LRRC37A2: variants seen among roughly 807,000 people sequenced by gnomAD.
LRRC37A2 encodes leucine-rich repeat-containing protein 37A2.
In LRRC37A2, 9 loss-of-function variants were observed where a neutral mutation model predicts 68.8. That is an observed-to-expected ratio of 0.13 (90% CI 0.08 to 0.23). The LOEUF (loss-of-function observed/expected upper bound fraction) is 0.23, where lower values mean the gene tolerates loss of function less well. LRRC37A2 is among the 10% of genes least tolerant of loss of function. LRRC37A2 has a pLI of 1.00. For missense variants in LRRC37A2, 168 were observed against 950.4 expected, an observed-to-expected ratio of 0.18 and a Z score of 10.82; for synonymous variants, 63 against 367.6, an observed-to-expected ratio of 0.17 and a Z score of 9.48.
At chr17:46,969,584 G>C in the LRRC37A2 span, among the ~76,000 whole-genome samples, 1 of 152,236 alleles carries the variant, frequency 6.6e-6, no homozygotes, top group African/African-American at 2.4e-5. Flanking sequence ...ACCAGCCTCT[G>C]TCCTGATGGC....
the LRRC37A2 span, among the ~76,000 whole-genome samples, chr17:46,869,719 C>A: frequency 6.6e-6 from 1 of 152,206 alleles, no homozygotes; most frequent in Non-Finnish European, 1.5e-5. Flanking sequence ...ACAGCTTGGG[C>A]AGGGTGCAGT....
At chr17:46,970,242 A>G in the LRRC37A2 span, among the ~76,000 whole-genome samples, 1 of 152,172 alleles carries the variant, frequency 6.6e-6, no homozygotes, top group African/African-American at 2.4e-5. Context: ...TGCTTCCTGC[A>G]AAAAGATCTC....
At chr17:47,018,447 C>T in the LRRC37A2 span, 5 of 1,552,430 alleles carry the variant, frequency 3.2e-6, no homozygotes, top group Non-Finnish European at 4.4e-6. Context: ...AGACGTGCAG[C>T]TCACCATAGC....
the LRRC37A2 span, chr17:47,018,146 T>A: frequency 1.3e-6 from 2 of 1,581,054 alleles, no homozygotes; most frequent in Middle Eastern, 1.7e-4. Context: ...AGACAGAATC[T>A]TCCCAAACCC....
chr17:46,768,841 C>T, the LRRC37A2 span: 1 of 1,600,200 alleles, frequency 6.2e-7, no homozygotes, highest in South Asian at 1.1e-5. This position sits in a 1 kb window ranked among gnomAD's most constrained non-coding sequence, Gnocchi z 5.0. Context: ...ACCGACCCCA[C>T]GAGGGGGCAC....
chr17:46,802,061 C>T, the LRRC37A2 span, among the ~76,000 whole-genome samples: 10 of 152,184 alleles, frequency 6.6e-5, no homozygotes, highest in Non-Finnish European at 1.5e-4. Flanking sequence ...CTCGCCTGTA[C>T]GCATGTTTGT....
the LRRC37A2 span, chr17:46,949,147 C>T: frequency 6.6e-6 from 1 of 152,204 alleles, no homozygotes; most frequent in East Asian, 1.9e-4. Flanking sequence ...TGTCTCTGCT[C>T]AGCGATGTCT....
chr17:46,824,065 C>G, the LRRC37A2 span, among the ~76,000 whole-genome samples: 2 of 152,134 alleles, frequency 1.3e-5, no homozygotes, highest in African/African-American at 4.8e-5. Flanking sequence ...CAGGAGCCTT[C>G]TCCAGAAGGA....
At chr17:46,938,945 A>G in the LRRC37A2 span, 2 of 1,488,612 alleles carry the variant, frequency 1.3e-6, no homozygotes, top group South Asian at 1.2e-5. Flanking sequence ...TTGGAGGGGG[A>G]GCTAGTGCCA....
the LRRC37A2 span, among the ~76,000 whole-genome samples, chr17:46,749,381 C>T: frequency 3.9e-5 from 6 of 152,182 alleles, no homozygotes; most frequent in African/African-American, 1.4e-4. Context: ...GTACTAAAGC[C>T]TTGTAAAGCC....
chr17:46,830,649 A>G, the LRRC37A2 span: 116 of 398,626 alleles, frequency 2.9e-4, no homozygotes, highest in Middle Eastern at 1.9e-3. Context: ...AAAATCTGAA[A>G]TGAAAATCTG....
At chr17:46,935,286 A>G in the LRRC37A2 span, 3 of 1,584,810 alleles carry the variant, frequency 1.9e-6, no homozygotes, top group Non-Finnish European at 2.6e-6. Context: ...TTTGATGACA[A>G]GACAGAGCCC....
chr17:46,859,916 A>G, the LRRC37A2 span, among the ~76,000 whole-genome samples: 1 of 152,214 alleles, frequency 6.6e-6, no homozygotes, highest in Non-Finnish European at 1.5e-5. Flanking sequence ...TTAAAAAAAG[A>G]AATTCTTCCA....
At chr17:46,755,865 C>A in the LRRC37A2 span, 2 of 1,598,588 alleles carry the variant, frequency 1.3e-6, no homozygotes, top group South Asian at 1.1e-5. Flanking sequence ...GGGAAGTGAC[C>A]AAGGTGAAGA....
At chr17:46,849,513 G>A in the LRRC37A2 span, among the ~76,000 whole-genome samples, 1 of 152,256 alleles carries the variant, frequency 6.6e-6, no homozygotes, top group Non-Finnish European at 1.5e-5. Flanking sequence ...CCTTCTCTCT[G>A]ACTCACACTG....
chr17:46,724,784 A>G, the LRRC37A2 span, among the ~76,000 whole-genome samples: 1 of 152,140 alleles, frequency 6.6e-6, no homozygotes, highest in East Asian at 1.9e-4. Context: ...GAGTGAGTGA[A>G]TGAATAAGGC....
the LRRC37A2 span, chr17:47,017,200 C>T: frequency 1.2e-6 from 2 of 1,611,784 alleles, no homozygotes; most frequent in Non-Finnish European, 1.7e-6. Flanking sequence ...AGAATGACTT[C>T]CGCTCAGTGC....
the LRRC37A2 span, among the ~76,000 whole-genome samples, chr17:46,738,007 C>T: frequency 6.6e-6 from 1 of 151,794 alleles, no homozygotes; most frequent in Non-Finnish European, 1.5e-5. Flanking sequence ...CAGTCTCAAT[C>T]ACTGCAGCCT....
the LRRC37A2 span, among the ~76,000 whole-genome samples, chr17:46,860,899 C>G: frequency 6.6e-6 from 1 of 152,160 alleles, no homozygotes; most frequent in Non-Finnish European, 1.5e-5. Flanking sequence ...TGCTCTGTCA[C>G]CCAGACTAGA....
Sources: gnomAD v4.1 joint callset for allele counts (sites outside exome capture counted in the v4.1 genomes callset) on GRCh38, gnomAD v4.1.1 for gene constraint, Gnocchi (gnomAD v3.1) non-coding constraint, MANE v1.5 for transcripts, NCBI Gene and HGNC (gene_info 2026-07-23, HGNC 2026-07-21) for gene names.